The following PRSS23 variants were observed in gnomAD, a reference collection of about 807,000 sequenced individuals.
The protein encoded by PRSS23 is serine protease 23.
A neutral mutation model predicts 34.7 loss-of-function variants in PRSS23; 25 were observed. The observed-to-expected ratio is 0.72, with a 90% CI of 0.53 to 1.01. The LOEUF is 1.01. Ranked by LOEUF, PRSS23 falls within the 50% of genes least tolerant of loss-of-function variation. PRSS23 has a pLI of 0.00. For missense variants in PRSS23, 445 were observed against 475.6 expected (o/e 0.94, Z 0.60); for synonymous variants, 176 against 186.6 (o/e 0.94, Z 0.46).
At chr11:86,874,955 T>C (rs1403971029) in intron 2 of PRSS23, among the ~76,000 whole-genome samples, 1 of 152,234 alleles carries the variant, frequency 6.6e-6, no homozygotes, top group Non-Finnish European at 1.5e-5. Context: ...GTCTTCTCCA[T>C]GTGGCATGGA....
intron 2 of PRSS23, among the ~76,000 whole-genome samples, chr11:86,932,122 G>A (rs1385752300): frequency 3.3e-5 from 5 of 152,124 alleles, no homozygotes; most frequent in African/African-American, 4.8e-5. Flanking sequence ...GGGCTGGGGG[G>A]TGATTAATCA....
In PRSS23 at chr11:86,906,003, C is replaced by T. The variant is rs11828261; in HGVS notation, c.207-45213C>T. On this transcript the variant is annotated intron_variant, in intron 2 of 2. Transcript: ENST00000533902. Reference sequence around the variant, plus strand: ...CTGATGACATTCATTCACTCATTCACTCATTCATTCATTCATTCAACAATT... The same window carrying T: ...CTGATGACATTCATTCACTCATTCATTCATTCATTCATTCATTCAACAATT... Among the ~76,000 whole-genome samples, 803 of 150,200 alleles carry T rather than the reference C, an allele frequency of 5.3e-3. 6 individuals carry two copies. The highest frequency in any genetic ancestry group is 0.018 in the African/African-American group (733 of 39,712).
At chr11:86,952,538 A>T in exon 3 of PRSS23, 1 of 1,566,958 alleles carries the variant, frequency 6.4e-7, no homozygotes, top group Non-Finnish European at 8.7e-7. Context: ...AAATGCTCCC[A>T]CAAAGCTGAG....
intron 2 of PRSS23, among the ~76,000 whole-genome samples, chr11:86,845,591 G>T (rs1388936211): frequency 6.6e-6 from 1 of 152,160 alleles, no homozygotes; most frequent in Non-Finnish European, 1.5e-5. Context: ...GGCTCAGAAA[G>T]CTGTGAAACT....
intron 2 of PRSS23, among the ~76,000 whole-genome samples, chr11:86,929,463 C>T (rs951393868): frequency 1.3e-4 from 19 of 151,734 alleles, no homozygotes; most frequent in Middle Eastern, 3.2e-3. Flanking sequence ...GCCAACATGG[C>T]GAAACCTCAT....
chr11:86,938,929 T>C (rs1949182258), intron 2 of PRSS23: 1 of 390,152 alleles, frequency 2.6e-6, no homozygotes, highest in South Asian at 1.9e-5. Context: ...AGGACCATGC[T>C]TCTCCATTAA....
At chr11:86,853,536 T>G (rs1293560148) in intron 2 of PRSS23, among the ~76,000 whole-genome samples, 1 of 152,146 alleles carries the variant, frequency 6.6e-6, no homozygotes, top group Non-Finnish European at 1.5e-5. Context: ...ATTACAGGTG[T>G]GAGCCACTGC....
intron 1 of PRSS23, among the ~76,000 whole-genome samples, chr11:86,817,498 G>A (rs1201202333): frequency 2.0e-5 from 3 of 152,158 alleles, no homozygotes; most frequent in Admixed American, 1.3e-4. Context: ...TCTGGCTCAT[G>A]GATTGTCACC....
chr11:86,870,636 T>C (rs1948678888), intron 2 of PRSS23, among the ~76,000 whole-genome samples: 1 of 152,218 alleles, frequency 6.6e-6, no homozygotes, highest in South Asian at 2.1e-4. Flanking sequence ...TACATATACC[T>C]TATATCACCT....
intron 2 of PRSS23, among the ~76,000 whole-genome samples, chr11:86,858,730 G>A (rs936521350): frequency 5.3e-5 from 8 of 151,634 alleles, no homozygotes; most frequent in South Asian, 2.1e-4. Context: ...ACACAACCCT[G>A]TGGTATTGTT....
chr11:86,940,462 T>C lies in PRSS23; in HGVS notation c.207-10754T>C, dbSNP rs145442554. On this transcript the variant is annotated intron_variant, in intron 2 of 2. Coordinates refer to the PRSS23 transcript ENST00000533902. ...TCCTTTCCATCTCTCTGCTACCACC[T>C]TCATTCAGGCCTTCATGGTTTCTCA... Among the ~76,000 whole-genome samples, 15 of 152,292 alleles carry C rather than the reference T, an allele frequency of 9.8e-5. No homozygotes were observed. In the East Asian group the frequency reaches 2.7e-3, roughly 27 times the overall value.
chr11:86,848,774 C>A (rs1948506913), intron 2 of PRSS23, among the ~76,000 whole-genome samples: 1 of 152,108 alleles, frequency 6.6e-6, no homozygotes, highest in African/African-American at 2.4e-5. Flanking sequence ...GAGGAACAGG[C>A]CAAAATGGAA....
rs1948117943 is a variant in PRSS23, at chr11:86,807,685, G to C, written c.42G>C (p.Leu14=). 1.2e-6 allele frequency: 2 copies of C among 1,613,794 alleles called. No individual in the cohort carries two copies. Among genetic ancestry groups the C allele is most frequent in the South Asian group, 2.2e-5 (2 of 91,060 alleles). ...IPGLLFLLFF[L]LCAVGQVSPY... ...GGCTCCTCTTCCTTCTCTTCTTTCTGCTCTGTGCTGTTGGGCAAGTGAGCC... is the reference window on the plus strand; with the variant it reads ...GGCTCCTCTTCCTTCTCTTCTTTCTCCTCTGTGCTGTTGGGCAAGTGAGCC... The change falls in exon 2 of 2, where the codon CTG becomes CTC. Residue 14 remains leucine (L), a synonymous_variant. Transcript: ENST00000280258.
At chr11:86,854,462 A>G (rs1189073905) in intron 2 of PRSS23, among the ~76,000 whole-genome samples, 3 of 152,184 alleles carry the variant, frequency 2.0e-5, no homozygotes, top group Non-Finnish European at 4.4e-5. Flanking sequence ...TCCATGGGTT[A>G]TCTTTTCACT....
Position 86,951,603 on chromosome 11 carries a change from C to T in PRSS23, c.*318C>T, listed in dbSNP as rs745451086. The T allele has an allele frequency of 8.1e-6, 13 of 1,614,120 alleles. No homozygotes were observed. In the Middle Eastern group the frequency reaches 1.5e-3, roughly 184 times the overall value. On this transcript the variant is annotated 3_prime_UTR_variant, in exon 3 of 3. Coordinates refer to the PRSS23 transcript ENST00000533902. ...GCCACCACGAACCCGGTGAGGGCAT[C>T]GAGATTTTGGTTTCCAACATAGCAC...
intron 2 of PRSS23, among the ~76,000 whole-genome samples, chr11:86,923,200 T>G (rs564294059): frequency 6.2e-4 from 94 of 151,464 alleles, no homozygotes; most frequent in African/African-American, 2.2e-3. Context: ...CATTGCTCAC[T>G]GCAACCTCGA....
At chr11:86,870,988 C>T (rs1256516348) in intron 2 of PRSS23, among the ~76,000 whole-genome samples, 1 of 152,122 alleles carries the variant, frequency 6.6e-6, no homozygotes, top group East Asian at 1.9e-4. Flanking sequence ...ATCTCTGGGA[C>T]TATTTATATT....
chr11:86,791,813 C>T (rs969678876), intron 1 of PRSS23, among the ~76,000 whole-genome samples: 1 of 152,186 alleles, frequency 6.6e-6, no homozygotes, highest in African/African-American at 2.4e-5. Flanking sequence ...ATTCATGGTC[C>T]TACTGCTCAG....
intron 2 of PRSS23, chr11:86,933,983 G>A (rs1949143798): frequency 1.3e-5 from 2 of 152,178 alleles, no homozygotes; most frequent in South Asian, 2.1e-4. Context: ...CTGGAGACAC[G>A]TCAAAGCCTG....
Sources: allele counts gnomAD v4.1 joint callset (sites outside exome capture counted in the v4.1 genomes callset), GRCh38; gene constraint gnomAD v4.1.1; transcripts MANE v1.5; gene names NCBI Gene and HGNC (gene_info 2026-07-23, HGNC 2026-07-21).